The following ENOX2 variants were observed in gnomAD, a reference collection of about 807,000 sequenced individuals.
ENOX2 encodes the protein ecto-NOX disulfide-thiol exchanger 2, also known as APK1 antigen.
ENOX2 carries 36 observed loss-of-function variants against 45.0 expected under a neutral mutation model. The observed-to-expected ratio is 0.80, with a 90% CI of 0.61 to 1.06. The LOEUF is 1.06. Ranked by LOEUF, ENOX2 falls within the 50% of genes least tolerant of loss-of-function variation. The pLI is 0.00. For missense variants in ENOX2, 423 were observed against 462.5 expected, an observed-to-expected ratio of 0.91 and a Z score of 0.78; for synonymous variants, 174 against 152.3, an observed-to-expected ratio of 1.14 and a Z score of -1.05.
intron 9 of ENOX2, among the ~76,000 whole-genome samples, chrX:130,659,660 G>A (rs1374354498): frequency 1.8e-5 from 2 of 112,518 alleles, no homozygotes; most frequent in African/African-American, 6.5e-5. Flanking sequence ...TACCGCATTA[G>A]GAAAAGTCAT....
chrX:130,853,952 A>G lies in ENOX2; in HGVS notation c.-183+47732T>C, dbSNP rs189849767. On this transcript the variant is annotated intron_variant, in intron 2 of 14. Transcript: ENST00000394363. ...CTTCCCCTGCCAGCATGATGTCAGA[A>G]GAAACCAAGTAAAACAGAAGATTTA... is the stretch of plus-strand genomic sequence containing the variant. 6.5e-4 allele frequency among the ~76,000 whole-genome samples: 73 copies of G among 111,854 alleles called. 2 individuals carry two copies. Among genetic ancestry groups the G allele is most frequent in the South Asian group, 3.4e-3 (9 of 2,661 alleles).
intron 6 of ENOX2, among the ~76,000 whole-genome samples, chrX:130,675,733 G>A (rs1320475745): frequency 9.0e-6 from 1 of 111,369 alleles, no homozygotes; most frequent in Non-Finnish European, 1.9e-5. Flanking sequence ...GAGTGGTGAG[G>A]GGTAGAAGGA....
intron 3 of ENOX2, among the ~76,000 whole-genome samples, chrX:130,756,253 G>A (rs2039352168): frequency 8.9e-6 from 1 of 112,122 alleles, no homozygotes; most frequent in Non-Finnish European, 1.9e-5. Context: ...ACCCTTGAGA[G>A]CTAGAGTGCC....
Position 130,628,003 on chromosome X carries a change from T to C in ENOX2, c.1569A>G (p.Ala523=). The change falls in exon 14 of 15, where the codon GCA becomes GCG. Residue 523 remains alanine (A), a synonymous_variant. Coordinates refer to ENST00000394363, the MANE Select transcript of ENOX2 (RefSeq NM_006375.4). ...AGTAGGAACAGATGTATTCAATGCT[T>C]GCTCCAAATGGGTGAACATGAAGGA... is the stretch of plus-strand genomic sequence containing the variant. ...STFLHVHPFG[A]SIEYICSYLH... is the part of the protein sequence containing the mutation. 8.3e-7 allele frequency: 1 copy of C among 1,206,355 alleles called. No individual in the cohort carries two copies. The highest frequency in any genetic ancestry group is 1.1e-6 in the Non-Finnish European group (1 of 890,600).
At chrX:130,709,259 G>A (rs374071821) in intron 3 of ENOX2, 21 of 1,205,540 alleles carry the variant, frequency 1.7e-5, no homozygotes, top group Admixed American at 1.5e-4. Context: ...AGCCTATTTC[G>A]TAGACCCACA....
chrX:130,671,025 C>T (rs182329778), intron 6 of ENOX2, among the ~76,000 whole-genome samples: 7 of 111,358 alleles, frequency 6.3e-5, no homozygotes, highest in Non-Finnish European at 9.4e-5. Flanking sequence ...AAGGGTAGAA[C>T]ATTATACCAA....
chrX:130,813,589 G>A (rs1324154568), intron 2 of ENOX2, among the ~76,000 whole-genome samples: 1 of 111,817 alleles, frequency 8.9e-6, no homozygotes, highest in Non-Finnish European at 1.9e-5. Flanking sequence ...AGTGGGCACA[G>A]CCCAAGAAAG....
At chrX:130,898,463 T>C (rs1192987797) in intron 2 of ENOX2, among the ~76,000 whole-genome samples, 1 of 111,701 alleles carries the variant, frequency 9.0e-6, no homozygotes, top group East Asian at 2.8e-4. Flanking sequence ...TTTTCCTATG[T>C]ATGCCTACAC....
chrX:130,876,890 C>T (rs1164121125), intron 2 of ENOX2, among the ~76,000 whole-genome samples: 2 of 111,454 alleles, frequency 1.8e-5, no homozygotes, highest in Non-Finnish European at 3.8e-5. Context: ...GATTTCCTAC[C>T]GTATACTAGA....
chrX:130,878,586 C>T (rs928765083), intron 2 of ENOX2, among the ~76,000 whole-genome samples: 4 of 111,972 alleles, frequency 3.6e-5, no homozygotes, highest in African/African-American at 1.3e-4. Flanking sequence ...TACTTTGTGT[C>T]CTACCTTCAT....
At chrX:130,738,171 T>C (rs763203271) in intron 3 of ENOX2, among the ~76,000 whole-genome samples, 3 of 112,230 alleles carry the variant, frequency 2.7e-5, no homozygotes, top group Non-Finnish European at 5.6e-5. Context: ...AAATATTGTG[T>C]AGTGTGTAGG....
At chrX:130,889,409 T>C (rs1233536358) in intron 2 of ENOX2, among the ~76,000 whole-genome samples, 1 of 112,130 alleles carries the variant, frequency 8.9e-6, no homozygotes, top group African/African-American at 3.2e-5. Context: ...AGAAAACTTT[T>C]TCTAATTGCC....
chrX:130,783,423 G>C, intron 3 of ENOX2, 124 bp downstream of exon 3: 1 of 263,709 alleles, frequency 3.8e-6, no homozygotes, highest in South Asian at 3.7e-5. Context: ...GAGGACAGGG[G>C]ACTCTTTCTC....
chrX:130,844,697 T>C (rs1054011110), intron 2 of ENOX2, among the ~76,000 whole-genome samples: 6 of 111,866 alleles, frequency 5.4e-5, no homozygotes, highest in African/African-American at 2.0e-4. Flanking sequence ...TTACTAAACA[T>C]TGAAAAGGAA....
intron 13 of ENOX2, among the ~76,000 whole-genome samples, chrX:130,630,071 G>C (rs1282731803): frequency 9.0e-6 from 1 of 111,181 alleles, no homozygotes. Flanking sequence ...CTGAAGCTCA[G>C]AGAAGAAATG....
At chrX:130,683,038 C>A (rs768274768) in intron 5 of ENOX2, among the ~76,000 whole-genome samples, 1 of 111,856 alleles carries the variant, frequency 8.9e-6, no homozygotes, top group East Asian at 2.8e-4. Context: ...AAGAAAAGTT[C>A]CATGTACAAA....
intron 10 of ENOX2, among the ~76,000 whole-genome samples, chrX:130,642,634 T>C (rs1181682775): frequency 4.5e-5 from 5 of 112,030 alleles, no homozygotes; most frequent in African/African-American, 1.3e-4. Flanking sequence ...TACATTATTG[T>C]CTTACTTGAA....
At chrX:130,859,709 A>G (rs2078378840) in intron 2 of ENOX2, among the ~76,000 whole-genome samples, 2 of 112,043 alleles carry the variant, frequency 1.8e-5, no homozygotes, top group African/African-American at 6.5e-5. Context: ...AATGTCTGAC[A>G]GGGTGGGGGA....
At chrX:130,851,954 G>C (rs2078219487) in intron 2 of ENOX2, among the ~76,000 whole-genome samples, 1 of 111,824 alleles carries the variant, frequency 8.9e-6, no homozygotes, top group South Asian at 3.7e-4. Context: ...TATCATCTAA[G>C]CAAAATGTGG....
Sources: gnomAD v4.1 joint callset for allele counts (sites outside exome capture counted in the v4.1 genomes callset) on GRCh38, gnomAD v4.1.1 for gene constraint, MANE v1.5 for transcripts, NCBI Gene and HGNC (gene_info 2026-07-23, HGNC 2026-07-21) for gene names.